The following FRK variants were observed in gnomAD, a reference collection of about 807,000 sequenced individuals.
The protein encoded by FRK is fyn related Src family tyrosine kinase.
In FRK, 51 loss-of-function variants were observed where a neutral mutation model predicts 56.4. The ratio of observed to expected loss-of-function variants is 0.90; its 90% CI spans 0.72 to 1.14. The LOEUF (loss-of-function observed/expected upper bound fraction) is 1.14. Among genes scored for constraint, FRK ranks in the 50% most tolerant of loss-of-function variants. FRK has a pLI of 0.00. For missense variants in FRK, 570 were observed against 601.4 expected (o/e 0.95, Z 0.55); for synonymous variants, 245 against 217.9 (o/e 1.12, Z -1.10).
In FRK at chr6:116,060,209, G is replaced by C; in HGVS notation, c.103C>G (p.Leu35Val). ...TGCCTCTGTGACTGGGGAGAGCAAAGGGCCCCTGGATTTTCAATCACGGTT... is the reference window on the plus strand; with the variant it reads ...TGCCTCTGTGACTGGGGAGAGCAAACGGCCCCTGGATTTTCAATCACGGTT... ...KSTVIENPGALCSPQSQRHGH... is the reference protein window; with the variant it reads ...KSTVIENPGAVCSPQSQRHGH... The change falls in exon 1 of 8, where the codon CTT becomes GTT. Residue 35 changes from leucine (L) to valine (V), a missense_variant. Coordinates refer to ENST00000606080, the MANE Select transcript of FRK (RefSeq NM_002031.3). 1 of 1,614,138 alleles carries C rather than the reference G, an allele frequency of 6.2e-7. No individual in the cohort carries two copies. Among genetic ancestry groups the C allele is most frequent in the Admixed American group, 1.7e-5 (1 of 60,020 alleles).
chr6:115,956,043 G>A (rs1476722931), intron 5 of FRK, among the ~76,000 whole-genome samples: 2 of 152,114 alleles, frequency 1.3e-5, no homozygotes, highest in Non-Finnish European at 2.9e-5. Flanking sequence ...ATAAACATAG[G>A]ATACTTCCCT....
At chr6:116,081,240 A>G in the FRK span, among the ~76,000 whole-genome samples, 1 of 152,214 alleles carries the variant, frequency 6.6e-6, no homozygotes, top group Non-Finnish European at 1.5e-5. Context: ...GACACAGCCA[A>G]ACCATACCAG....
chr6:116,035,374 G>T (rs1034449540), intron 1 of FRK, among the ~76,000 whole-genome samples: 1 of 151,970 alleles, frequency 6.6e-6, no homozygotes, highest in Non-Finnish European at 1.5e-5. Flanking sequence ...TCCAATTTCA[G>T]TTGACCTCAC....
intron 1 of FRK, chr6:116,039,184 G>A (rs1183247703): frequency 8.5e-6 from 11 of 1,297,776 alleles, no homozygotes; most frequent in Middle Eastern, 2.2e-4. Context: ...GTTTGTTTTC[G>A]AGAAGAAAGA....
intron 1 of FRK, among the ~76,000 whole-genome samples, chr6:116,048,722 C>T (rs1467243105): frequency 6.6e-6 from 1 of 152,058 alleles, no homozygotes; most frequent in Non-Finnish European, 1.5e-5. Flanking sequence ...TCTCTTTCTC[C>T]TCTCCTCTTC....
rs1026439174 is a variant in FRK at position 115,971,607 on chromosome 6, T to G, written c.467-2868A>C. On this transcript the variant is annotated intron_variant, in intron 2 of 7. Transcript: ENST00000606080. Reference sequence around the variant, plus strand: ...AGAATAACACTCCCCTGTCCCTAGATGAAAGCTCCAGCAAAGTTTTTCTGC... The same window carrying G: ...AGAATAACACTCCCCTGTCCCTAGAGGAAAGCTCCAGCAAAGTTTTTCTGC... 3.3e-5 allele frequency among the ~76,000 whole-genome samples: 5 copies of G among 152,188 alleles called. No homozygotes were observed. The South Asian group carries it at 8.3e-4, about 25-fold the overall frequency.
In FRK at chr6:115,996,746, A is replaced by G. The variant is rs577646812; in HGVS notation, c.466+7131T>C. The stretch of plus-strand genomic sequence containing the variant: ...TATGAAGATAGAGAAGAAGCATGAA[A>G]TAGAAGCAATAAAAACATGTTCTTC... On this transcript the variant is annotated intron_variant, in intron 2 of 7. Coordinates refer to ENST00000606080, the MANE Select transcript of FRK (RefSeq NM_002031.3). Among the ~76,000 whole-genome samples the G allele has an allele frequency of 7.9e-5, 12 of 152,328 alleles. 1 individual carries two copies. The highest frequency in any genetic ancestry group is 6.2e-4 in the South Asian group (3 of 4,822).
At position 115,954,749 on chromosome 6, in the gene FRK, C is replaced by T. The variant is rs142373031; in HGVS notation, c.958+1703G>A. Reference sequence around the variant, plus strand: ...TCAAGTACTTTAGAGAATTGTACTTCCCTATCCTCTTTGACTTGATTTGTC... The same window carrying T: ...TCAAGTACTTTAGAGAATTGTACTTTCCTATCCTCTTTGACTTGATTTGTC... On this transcript the variant is annotated intron_variant, in intron 5 of 7. Coordinates refer to ENST00000606080, the MANE Select transcript of FRK (RefSeq NM_002031.3). Among the ~76,000 whole-genome samples the T allele has an allele frequency of 4.6e-5, 7 of 152,220 alleles. No individual in the cohort carries two copies. In the East Asian group the frequency reaches 1.4e-3, roughly 29 times the overall value.
At chr6:116,000,304 G>A (rs948911215) in intron 2 of FRK, among the ~76,000 whole-genome samples, 13 of 128,250 alleles carry the variant, frequency 1.0e-4, no homozygotes, top group African/African-American at 3.0e-4. Context: ...GTACAATGGC[G>A]TGACCTCTGC....
At chr6:115,989,242 C>T (rs1179783317) in intron 2 of FRK, among the ~76,000 whole-genome samples, 2 of 151,776 alleles carry the variant, frequency 1.3e-5, no homozygotes, top group Admixed American at 6.6e-5. Flanking sequence ...TTTTTATTTG[C>T]TAAATGGTTC....
intron 1 of FRK, among the ~76,000 whole-genome samples, chr6:116,034,474 G>T (rs75881100): frequency 3.3e-5 from 5 of 152,096 alleles, no homozygotes; most frequent in South Asian, 2.1e-4. Flanking sequence ...CTTTTGATAA[G>T]AGCAGCTTCC....
chr6:116,023,208 G>A (rs1429699040), intron 1 of FRK, among the ~76,000 whole-genome samples: 1 of 152,130 alleles, frequency 6.6e-6, no homozygotes, highest in Admixed American at 6.5e-5. Context: ...AATAGTACAA[G>A]GCCTTTGGAG....
chr6:116,028,648 A>C (rs1216169059), intron 1 of FRK, among the ~76,000 whole-genome samples: 2 of 152,128 alleles, frequency 1.3e-5, no homozygotes, highest in African/African-American at 4.8e-5. Flanking sequence ...TCACATTCAC[A>C]TAGCATTCTT....
At chr6:115,969,047 T>C (rs921855815) in intron 2 of FRK, among the ~76,000 whole-genome samples, 2 of 152,128 alleles carry the variant, frequency 1.3e-5, no homozygotes, top group African/African-American at 2.4e-5. Flanking sequence ...TCTATCACTC[T>C]AGCAATGCAA....
chr6:115,943,330 A>ATTCTGAATC lies in FRK; in HGVS notation c.1141-154_1141-146dup, dbSNP rs1772277095. Reference sequence around the variant, plus strand: ...GTTCAACTGACAATTACAGTAGCAAATTCTGAATCTTGCATACAAGACTGA... The same window carrying ATTCTGAATC: ...GTTCAACTGACAATTACAGTAGCAAATTCTGAATCTTCTGAATCTTGCATACAAGACTGA... On this transcript the variant is annotated intron_variant, in intron 6 of 7. Coordinates refer to ENST00000606080, the MANE Select transcript of FRK (RefSeq NM_002031.3). 7.0e-6 allele frequency: 4 copies of ATTCTGAATC among 575,012 alleles called. No homozygotes were observed. The South Asian group carries it at 1.1e-4, about 15-fold the overall frequency. The allele number at this position is 575,012 out of a possible 1,614,324, so 35.6% of individuals were successfully genotyped here.
At chr6:116,003,767 AAAGAT>A in intron 2 of FRK, 105 bp downstream of exon 2, 1 of 1,230,082 alleles carries the variant, frequency 8.1e-7, no homozygotes, top group South Asian at 1.5e-5. Flanking sequence ...GTGCTACTGT[AAAGAT>A]AAGAAATAAG....
the FRK span, among the ~76,000 whole-genome samples, chr6:116,086,445 T>G: frequency 6.6e-6 from 1 of 152,202 alleles, no homozygotes; most frequent in African/African-American, 2.4e-5. Flanking sequence ...CATTCTCAGT[T>G]TCCTAAAATG....
intron 3 of FRK, among the ~76,000 whole-genome samples, chr6:115,967,978 C>G (rs1238237270): frequency 1.3e-5 from 2 of 152,126 alleles, no homozygotes; most frequent in Non-Finnish European, 2.9e-5. Flanking sequence ...ATGCCATCCT[C>G]ACTCAGGTCT....
chr6:115,998,386 G>A (rs998350084), intron 2 of FRK, among the ~76,000 whole-genome samples: 9 of 152,068 alleles, frequency 5.9e-5, no homozygotes, highest in South Asian at 2.1e-4. Context: ...ATACAAGGTC[G>A]TGAATAGTCT....
Sources: gnomAD v4.1 joint callset for allele counts (sites outside exome capture counted in the v4.1 genomes callset) on GRCh38, gnomAD v4.1.1 for gene constraint, MANE v1.5 for transcripts, NCBI Gene and HGNC (gene_info 2026-07-23, HGNC 2026-07-21) for gene names.